Variants in ARID5B observed in about 807,000 individuals in gnomAD.
ARID5B encodes AT-rich interaction domain 5B.
In ARID5B, 13 loss-of-function variants were observed where a neutral mutation model predicts 97.2. The ratio of observed to expected loss-of-function variants is 0.13; its 90% CI spans 0.09 to 0.21. The LOEUF (loss-of-function observed/expected upper bound fraction) is 0.21, where lower values mean the gene tolerates loss of function less well. Among genes scored for constraint, ARID5B ranks in the 10% least tolerant of loss-of-function variants. ARID5B has a pLI of 1.00. For missense variants in ARID5B, 1,210 were observed against 1,465.3 expected (o/e 0.83, Z 2.84); for synonymous variants, 556 against 570.3 (o/e 0.97, Z 0.36).
intron 3 of ARID5B, among the ~76,000 whole-genome samples, chr10:61,993,146 C>T (rs545707556): frequency 1.3e-5 from 2 of 152,136 alleles, no homozygotes; most frequent in South Asian, 2.1e-4. Flanking sequence ...CACACACACA[C>T]ACACGCACAC....
At chr10:61,919,792 T>C (rs1474745853) in intron 2 of ARID5B, among the ~76,000 whole-genome samples, 1 of 152,216 alleles carries the variant, frequency 6.6e-6, no homozygotes, top group Non-Finnish European at 1.5e-5. Context: ...TTGTAAAATA[T>C]GCATCCCTAA....
intron 8 of ARID5B, among the ~76,000 whole-genome samples, chr10:62,078,056 G>A (rs1564645661): frequency 6.6e-6 from 1 of 152,208 alleles, no homozygotes. Flanking sequence ...TAAATGTTGT[G>A]GGAGAACTGT....
At chr10:62,039,182 C>T (rs555406969) in intron 4 of ARID5B, among the ~76,000 whole-genome samples, 1 of 152,174 alleles carries the variant, frequency 6.6e-6, no homozygotes, top group Non-Finnish European at 1.5e-5. Context: ...AAGACAAATA[C>T]TTCTATAGTT....
At chr10:62,049,999 CTGAT>C in intron 4 of ARID5B, among the ~76,000 whole-genome samples, 1 of 152,288 alleles carries the variant, frequency 6.6e-6, no homozygotes, top group African/African-American at 2.4e-5. Context: ...ACTTGGGTGA[CTGAT>C]GAAGTTAAAT....
At chr10:62,029,955 A>G (rs1185385316) in intron 4 of ARID5B, among the ~76,000 whole-genome samples, 1 of 152,130 alleles carries the variant, frequency 6.6e-6, no homozygotes, top group Non-Finnish European at 1.5e-5. Context: ...GAAAATAGAA[A>G]AGTTCTTGTT....
chr10:62,091,156 A>G lies in ARID5B; in HGVS notation c.1693A>G (p.Thr565Ala). 5.0e-6 allele frequency: 8 copies of G among 1,613,970 alleles called. No homozygotes were observed. Among genetic ancestry groups the G allele is most frequent in the South Asian group, 1.1e-5 (1 of 91,084 alleles). The change falls in exon 10 of 10, where the codon ACC (threonine) becomes GCC (alanine). Residue 565 changes from threonine (T) to alanine (A), a missense_variant. Thr to Ala is a moderately conservative substitution (Grantham distance 58). Transcript: ENST00000279873. The stretch of plus-strand genomic sequence containing the variant: ...CCCTGGGGCCAGCAAACAGCCACTC[A>G]CCTCTCCTAGTGCCCTGGTGGACTC... ...LVPGASKQPL[T>A]SPSALVDSKQ...
chr10:61,941,617 G>T (rs1218767071), intron 3 of ARID5B, among the ~76,000 whole-genome samples: 1 of 151,950 alleles, frequency 6.6e-6, no homozygotes, highest in African/African-American at 2.4e-5. Context: ...ACTGACTGTG[G>T]CTTTCATGTG....
At chr10:62,016,182 T>G (rs932168523) in intron 4 of ARID5B, among the ~76,000 whole-genome samples, 14 of 151,928 alleles carry the variant, frequency 9.2e-5, no homozygotes, top group South Asian at 2.1e-4. Flanking sequence ...TGTTACAGAG[T>G]TTTATTGGCA....
chr10:62,066,559 T>C (rs994436916), intron 7 of ARID5B, among the ~76,000 whole-genome samples: 4 of 152,182 alleles, frequency 2.6e-5, no homozygotes, highest in Non-Finnish European at 5.9e-5. Context: ...ACTTACTAAG[T>C]GCTAGGGGGC....
At chr10:62,045,805 A>G (rs1037206778) in intron 4 of ARID5B, among the ~76,000 whole-genome samples, 2 of 152,246 alleles carry the variant, frequency 1.3e-5, no homozygotes, top group African/African-American at 4.8e-5. Flanking sequence ...AATGCAGGGT[A>G]TTATCAGTAA....
chr10:62,047,535 G>A (rs1839726206), intron 4 of ARID5B, among the ~76,000 whole-genome samples: 1 of 152,132 alleles, frequency 6.6e-6, no homozygotes, highest in South Asian at 2.1e-4. Flanking sequence ...GTAGAGATCA[G>A]TCTCACCTAA....
intron 3 of ARID5B, among the ~76,000 whole-genome samples, chr10:61,989,631 A>G (rs1838894815): frequency 6.6e-6 from 1 of 152,218 alleles, no homozygotes; most frequent in Admixed American, 6.5e-5. Flanking sequence ...AAATTATCTA[A>G]AATTTTTATG....
At chr10:61,999,955 G>A in intron 3 of ARID5B, 136 bp from the exon 4 acceptor site, 1 of 847,224 alleles carries the variant, frequency 1.2e-6, no homozygotes, top group South Asian at 1.6e-5. Context: ...GGAGGATGCT[G>A]GCATCCCCCA....
intron 2 of ARID5B, among the ~76,000 whole-genome samples, chr10:61,927,297 AT>A (rs905621778): frequency 2.6e-4 from 39 of 152,066 alleles, no homozygotes; most frequent in Middle Eastern, 3.4e-3. Flanking sequence ...TATTTTCCCC[AT>A]TTTTTTTATA....
chr10:61,909,327 T>TG (rs1289450200), intron 2 of ARID5B, among the ~76,000 whole-genome samples: 3 of 138,740 alleles, frequency 2.2e-5, no homozygotes, highest in African/African-American at 8.2e-5. Flanking sequence ...AGTTTTTTTT[T>TG]TTTTTTTTTT....
intron 3 of ARID5B, among the ~76,000 whole-genome samples, chr10:61,952,030 T>G (rs1287124662): frequency 6.6e-6 from 1 of 152,216 alleles, no homozygotes; most frequent in African/African-American, 2.4e-5. Context: ...CATGACTATT[T>G]CTTTATACAT....
intron 4 of ARID5B, among the ~76,000 whole-genome samples, chr10:62,002,393 T>C (rs1839090757): frequency 6.6e-6 from 1 of 152,230 alleles, no homozygotes; most frequent in East Asian, 1.9e-4. Context: ...AGCTTTCTTT[T>C]GGAATAAAGG....
intron 4 of ARID5B, among the ~76,000 whole-genome samples, chr10:62,013,695 CCTTA>C (rs1200249712): frequency 3.3e-5 from 5 of 151,648 alleles, no homozygotes; most frequent in Admixed American, 1.3e-4. Flanking sequence ...TCTGTGACTA[CCTTA>C]CTTCACTCCA....
chr10:61,938,209 T>C (rs777089407), intron 2 of ARID5B, among the ~76,000 whole-genome samples: 7 of 152,204 alleles, frequency 4.6e-5, no homozygotes, highest in Non-Finnish European at 8.8e-5. Context: ...TACTATTTGT[T>C]TGGAGGGTGT....
Sources: gnomAD v4.1 joint callset for allele counts (sites outside exome capture counted in the v4.1 genomes callset) on GRCh38, gnomAD v4.1.1 for gene constraint, MANE v1.5 for transcripts, NCBI Gene and HGNC (gene_info 2026-07-23, HGNC 2026-07-21) for gene names.